FMN1: variants seen among roughly 807,000 people sequenced by gnomAD.
The protein encoded by FMN1 is formin 1.
Under a neutral mutation model 132.4 loss-of-function variants are expected in FMN1, and 110 were observed. The observed-to-expected ratio is 0.83, with a 90% CI of 0.71 to 0.97. The LOEUF (loss-of-function observed/expected upper bound fraction) is 0.97. Ranked by LOEUF, FMN1 falls within the 50% of genes least tolerant of loss-of-function variation. FMN1 has a pLI of 0.00. For synonymous variants in FMN1, 722 were observed against 651.7 expected (o/e 1.11, Z -1.64); for missense variants, 1,792 against 1,705.3 (o/e 1.05, Z -0.90).
intron 9 of FMN1, among the ~76,000 whole-genome samples, chr15:32,951,845 C>T (rs975574848): frequency 6.6e-6 from 1 of 152,176 alleles, no homozygotes; most frequent in Non-Finnish European, 1.5e-5. Flanking sequence ...GTTCAAGAAG[C>T]CCCTGCTGCC....
intron 16 of FMN1, among the ~76,000 whole-genome samples, chr15:32,858,157 G>A (rs1424757755): frequency 6.6e-6 from 1 of 152,204 alleles, no homozygotes; most frequent in African/African-American, 2.4e-5. Flanking sequence ...TTGGAAGAAG[G>A]AGGTTGGGAA....
At chr15:33,128,556 C>T (rs1450665250) in intron 4 of FMN1, among the ~76,000 whole-genome samples, 2 of 152,184 alleles carry the variant, frequency 1.3e-5, no homozygotes, top group African/African-American at 2.4e-5. Flanking sequence ...ATACCGAGTC[C>T]GGAGTTTCTT....
intron 5 of FMN1, chr15:33,068,043 G>T (rs61999986): frequency 6.0e-5 from 86 of 1,433,050 alleles, no homozygotes; most frequent in Non-Finnish European, 7.5e-5. Context: ...TCTCTTTCGG[G>T]TCACAGTGCC....
chr15:32,952,919 C>G (rs146156926), intron 9 of FMN1, among the ~76,000 whole-genome samples: 8 of 152,274 alleles, frequency 5.3e-5, no homozygotes, highest in African/African-American at 1.9e-4. Context: ...TGTGGGTCAA[C>G]GTAGAGTCTC....
intron 9 of FMN1, among the ~76,000 whole-genome samples, chr15:32,932,270 C>T (rs1445278903): frequency 6.6e-6 from 1 of 151,984 alleles, no homozygotes; most frequent in Non-Finnish European, 1.5e-5. Flanking sequence ...CATGGAGGCA[C>T]GTGCCTGGTA....
At chr15:32,848,730 A>C (rs1258347784) in intron 17 of FMN1, among the ~76,000 whole-genome samples, 1 of 152,198 alleles carries the variant, frequency 6.6e-6, no homozygotes, top group Non-Finnish European at 1.5e-5. Context: ...TTTCAAAAAA[A>C]ATTTGTTTAC....
At chr15:32,912,432 T>C (rs1263997319) in intron 10 of FMN1, among the ~76,000 whole-genome samples, 1 of 152,248 alleles carries the variant, frequency 6.6e-6, no homozygotes, top group Non-Finnish European at 1.5e-5. Flanking sequence ...GGATCTGTTC[T>C]AAATACTGTG....
chr15:32,870,061 T>C (rs907591478), intron 16 of FMN1, among the ~76,000 whole-genome samples: 1 of 152,216 alleles, frequency 6.6e-6, no homozygotes, highest in East Asian at 1.9e-4. Flanking sequence ...GGTCAAGTGC[T>C]AAAGATCAAA....
chr15:33,071,408 T>C (rs1363480720), intron 5 of FMN1, among the ~76,000 whole-genome samples: 1 of 152,212 alleles, frequency 6.6e-6, no homozygotes, highest in Non-Finnish European at 1.5e-5. Flanking sequence ...GAAGCATGAC[T>C]TCTATTAAGA....
chr15:32,910,624 T>A, intron 10 of FMN1, 89 bp from the exon 11 acceptor site: 1 of 951,826 alleles, frequency 1.1e-6, no homozygotes, highest in Non-Finnish European at 1.7e-6. Flanking sequence ...TCCAAGCAAT[T>A]AACAGAGTAT....
chr15:33,190,800 C>G (rs768635428), intron 2 of FMN1, among the ~76,000 whole-genome samples: 4 of 152,156 alleles, frequency 2.6e-5, no homozygotes, highest in Non-Finnish European at 4.4e-5. Context: ...CCTTGTCTAT[C>G]CTCCCAGTCA....
At position 32,798,845 on chromosome 15, in the gene FMN1, C is replaced by T. The variant is rs372658028; in HGVS notation, c.4089G>A (p.Lys1363=). The change falls in exon 19 of 21, where the codon AAG becomes AAA. Residue 1363 remains lysine, a synonymous_variant. Transcript: ENST00000616417. The stretch of plus-strand genomic sequence containing the variant: ...TTTTACTCTCCCGTTTCCAAATTGT[C>T]TTGAAGTCACTGCAGAACTCATACC... ...MVWYEFCSDF[K]TIWKRESKNI... The T allele has an allele frequency of 5.6e-6, 9 of 1,613,568 alleles. No individual in the cohort carries two copies. The African/African-American group carries it at 8.0e-5, about 14-fold the overall frequency.
At chr15:32,926,819 C>A (rs1482865297) in intron 9 of FMN1, among the ~76,000 whole-genome samples, 2 of 152,166 alleles carry the variant, frequency 1.3e-5, no homozygotes, top group Non-Finnish European at 2.9e-5. Flanking sequence ...AGGTCTAGCT[C>A]TGTCACCTAG....
intron 6 of FMN1, among the ~76,000 whole-genome samples, chr15:33,059,115 T>G (rs146415347): frequency 6.5e-4 from 99 of 152,320 alleles, no homozygotes; most frequent in African/African-American, 2.4e-3. Flanking sequence ...CTTTATTAGA[T>G]TCCACATATA....
chr15:32,991,276 T>A (rs955349427), intron 7 of FMN1, among the ~76,000 whole-genome samples: 1 of 152,168 alleles, frequency 6.6e-6, no homozygotes, highest in Non-Finnish European at 1.5e-5. Context: ...CAGGAATACT[T>A]TCTCATCAAC....
rs183187864 is a variant in FMN1 at position 32,998,822 on chromosome 15, G to C, written c.2223+9192C>G. On this transcript the variant is annotated intron_variant, in intron 7 of 20. Coordinates refer to ENST00000616417, the MANE Select transcript of FMN1 (RefSeq NM_001277313.2). The stretch of plus-strand genomic sequence containing the variant: ...AAGGAAATGTCTAAAACCATCATTG[G>C]CCCCCATGATACAAATGAGCAATCA... Among the ~76,000 whole-genome samples the C allele has an allele frequency of 4.0e-4, 61 of 152,248 alleles. No individual in the cohort carries two copies. The East Asian group carries it at 8.5e-3, about 21-fold the overall frequency.
intron 3 of FMN1, among the ~76,000 whole-genome samples, chr15:33,155,972 C>T (rs1313666088): frequency 1.3e-5 from 2 of 152,196 alleles, no homozygotes; most frequent in South Asian, 2.1e-4. Flanking sequence ...AAACAAGCAC[C>T]GCCCACACCC....
At position 33,126,777 on chromosome 15, in the gene FMN1, G is replaced by A. The variant is rs1298723524; in HGVS notation, c.1867+26271C>T. ...GGAGGGAAGACAGATTACTGGAACA[G>A]CCAGTTTGCAGGGCCATGAAACCCG... On this transcript the variant is annotated intron_variant, in intron 4 of 20. Transcript: ENST00000616417. Among the ~76,000 whole-genome samples, 3 of 152,236 alleles carry A rather than the reference G, an allele frequency of 2.0e-5. No homozygotes were observed. In the East Asian group the frequency reaches 5.8e-4, roughly 29 times the overall value.
At chr15:32,862,084 T>C (rs2059282383) in intron 16 of FMN1, among the ~76,000 whole-genome samples, 1 of 152,118 alleles carries the variant, frequency 6.6e-6, no homozygotes, top group South Asian at 2.1e-4. Context: ...GCTTGCCTGC[T>C]CCAATTTATT....
Sources: gnomAD v4.1 joint callset for allele counts (sites outside exome capture counted in the v4.1 genomes callset) on GRCh38, gnomAD v4.1.1 for gene constraint, MANE v1.5 for transcripts, NCBI Gene and HGNC (gene_info 2026-07-23, HGNC 2026-07-21) for gene names.